The following TMTC3 variants were observed in gnomAD, a reference collection of about 807,000 sequenced individuals.
The protein encoded by TMTC3 is protein O-mannosyl-transferase TMTC3.
In TMTC3, 52 loss-of-function variants were observed where a neutral mutation model predicts 92.2. The ratio of observed to expected loss-of-function variants is 0.56; its 90% CI spans 0.45 to 0.71. The LOEUF (loss-of-function observed/expected upper bound fraction) is 0.71. TMTC3 is among the 30% of genes least tolerant of loss of function. The probability of loss-of-function intolerance (pLI) is 0.00; values close to 1 mark genes in which losing one functional copy is unlikely to be tolerated. For missense variants in TMTC3, 896 were observed against 1,057.1 expected (o/e 0.85, Z 2.11); for synonymous variants, 339 against 363.3 (o/e 0.93, Z 0.76).
At position 88,199,706 on chromosome 12, in the gene TMTC3, T is replaced by G. The variant is rs1233768849; in HGVS notation, c.*4057T>G. 2 of 152,120 alleles carry G rather than the reference T, an allele frequency of 1.3e-5. No homozygotes were observed. The highest frequency in any genetic ancestry group is 1.3e-4 in the Admixed American group (2 of 15,258). The allele number at this position is 152,120 out of a possible 1,614,324, so 9.4% of individuals were successfully genotyped here. ...GTGCTGTTCACTGCCATCAGGGAGG[T>G]AGCATAAAATGAAAGATAAAGTCTG... On this transcript the variant is annotated 3_prime_UTR_variant, in exon 14 of 14. Coordinates refer to ENST00000266712, the MANE Select transcript of TMTC3 (RefSeq NM_181783.4).
At position 88,145,374 on chromosome 12, in the gene TMTC3, A is replaced by C. The variant is rs529029104; in HGVS notation, c.-29+2887A>C. Among the ~76,000 whole-genome samples, 4 of 152,326 alleles carry C rather than the reference A, an allele frequency of 2.6e-5. No homozygotes were observed. In the South Asian group the frequency reaches 8.3e-4, roughly 32 times the overall value. Reference sequence around the variant, plus strand: ...CTTGTCCATGAAATTAAGGCAAAACAATTTGCCTTAATACAATTTACAGTT... The same window carrying C: ...CTTGTCCATGAAATTAAGGCAAAACCATTTGCCTTAATACAATTTACAGTT... On this transcript the variant is annotated intron_variant, in intron 1 of 13. Transcript: ENST00000266712.
chr12:88,166,629 ATAAG>A lies in TMTC3; in HGVS notation c.1050+52_1050+55del, dbSNP rs776006183. On this transcript the variant is annotated intron_variant, in intron 7 of 13. Transcript: ENST00000266712. ...CCAAATGATGTTAACATTCAGTTGA[ATAAG>A]TAAGAAACTACCTTTAATTCAGCAA... 2.7e-5 allele frequency: 42 copies of A among 1,560,940 alleles called. 4 individuals carry two copies. Among genetic ancestry groups the A allele is most frequent in the African/African-American group, 2.3e-4 (17 of 72,916 alleles).
At chr12:88,170,164 T>G (rs2041189341) in intron 7 of TMTC3, among the ~76,000 whole-genome samples, 2 of 152,300 alleles carry the variant, frequency 1.3e-5, no homozygotes, top group African/African-American at 4.8e-5. Context: ...TATTAGGACC[T>G]GTGAATAAGT....
chr12:88,173,517 C>T (rs1291312703), intron 8 of TMTC3, among the ~76,000 whole-genome samples: 5 of 151,954 alleles, frequency 3.3e-5, no homozygotes, highest in Admixed American at 6.6e-5. Flanking sequence ...AGTTTATTTC[C>T]CTAGTGTCTG....
In TMTC3 at chr12:88,176,219, T is replaced by C. The variant is rs1377348581; in HGVS notation, c.1332T>C (p.Asn444=). The C allele has an allele frequency of 6.2e-7, 1 of 1,606,036 alleles. No homozygotes were observed. The change falls in exon 10 of 14, where the codon AAT becomes AAC. Residue 444 remains asparagine (N), a synonymous_variant. Coordinates refer to ENST00000266712, the MANE Select transcript of TMTC3 (RefSeq NM_181783.4). Reference sequence around the variant, plus strand: ...TGCTTGTATTTAAGGTAAATAAAAATAATGCCAAACTTTGGAATAATGTGG... The same window carrying C: ...TGCTTGTATTTAAGGTAAATAAAAACAATGCCAAACTTTGGAATAATGTGG... ...LFMSALKVNK[N]NAKLWNNVGH...
At chr12:88,171,135 G>A (rs1261307722) in intron 7 of TMTC3, among the ~76,000 whole-genome samples, 1 of 152,016 alleles carries the variant, frequency 6.6e-6, no homozygotes, top group Non-Finnish European at 1.5e-5. Flanking sequence ...CATTCCCTCA[G>A]TTTCCAATAT....
Position 88,195,296 on chromosome 12 carries a change from C to T in TMTC3, c.2392C>T (p.Leu798=), listed in dbSNP as rs746433778. ...LKAERCLLET[L]ALAPHEEYIQ... The stretch of plus-strand genomic sequence containing the variant: ...AGCTGAAAGATGCCTTCTTGAAACA[C>T]TGGCATTAGCACCACATGAAGAATA... The change falls in exon 14 of 14, where the codon CTG becomes TTG. Residue 798 remains leucine, a synonymous_variant. Coordinates refer to ENST00000266712, the MANE Select transcript of TMTC3 (RefSeq NM_181783.4). The T allele has an allele frequency of 4.5e-5, 73 of 1,613,722 alleles. No homozygotes were observed. Among genetic ancestry groups the T allele is most frequent in the Non-Finnish European group, 5.9e-5 (70 of 1,179,890 alleles).
At chr12:88,161,925 A>G (rs747894444) in intron 6 of TMTC3, among the ~76,000 whole-genome samples, 2 of 151,900 alleles carry the variant, frequency 1.3e-5, no homozygotes, top group East Asian at 3.8e-4. Flanking sequence ...GCTTTAAACA[A>G]TTGTCTTGGA....
At chr12:88,153,251 C>G in intron 2 of TMTC3, 40 bp from the exon 3 acceptor site, 2 of 1,462,626 alleles carry the variant, frequency 1.4e-6, no homozygotes, top group South Asian at 2.5e-5. Context: ...CCTGTTGGAC[C>G]AAGGTACTTT....
At chr12:88,146,250 G>A (rs1299798354) in intron 1 of TMTC3, among the ~76,000 whole-genome samples, 1 of 151,858 alleles carries the variant, frequency 6.6e-6, no homozygotes, top group Non-Finnish European at 1.5e-5. Flanking sequence ...GCTCCCTTGG[G>A]GAATCTTAAA....
At chr12:88,155,015 TCATG>T (rs1304765646) in intron 4 of TMTC3, among the ~76,000 whole-genome samples, 5 of 152,200 alleles carry the variant, frequency 3.3e-5, no homozygotes, top group Admixed American at 2.0e-4. Context: ...TCCAAGGTAC[TCATG>T]ACAAGAAGAC....
chr12:88,173,154 C>T, intron 8 of TMTC3: 1 of 1,116,914 alleles, frequency 9.0e-7, no homozygotes, highest in South Asian at 1.6e-5. Flanking sequence ...TTCTTGCTAT[C>T]ATCACTATCT....
At chr12:88,172,770 A>C (rs2041219582) in intron 8 of TMTC3, 25 bp downstream of exon 8, 1 of 1,581,812 alleles carries the variant, frequency 6.3e-7, no homozygotes, top group African/African-American at 1.4e-5. Context: ...CAGTTCATGT[A>C]ATGCTTACTA....
chr12:88,150,086 T>C (rs2040923028), intron 2 of TMTC3, among the ~76,000 whole-genome samples: 1 of 152,030 alleles, frequency 6.6e-6, no homozygotes, highest in Admixed American at 6.6e-5. Flanking sequence ...TGAGACAGGG[T>C]AATATATAAG....
intron 1 of TMTC3, among the ~76,000 whole-genome samples, chr12:88,147,384 T>C (rs957205041): frequency 6.6e-6 from 1 of 152,180 alleles, no homozygotes; most frequent in Admixed American, 6.6e-5. Flanking sequence ...GTTTCTGACC[T>C]GTACACAAAA....
intron 10 of TMTC3, among the ~76,000 whole-genome samples, chr12:88,184,554 G>A (rs1420400260): frequency 6.6e-6 from 1 of 152,206 alleles, no homozygotes; most frequent in African/African-American, 2.4e-5. Flanking sequence ...TGGCAAAAAA[G>A]TGATGTATAA....
chr12:88,194,566 G>T (rs2041485989), intron 13 of TMTC3, among the ~76,000 whole-genome samples: 1 of 152,020 alleles, frequency 6.6e-6, no homozygotes, highest in Non-Finnish European at 1.5e-5. Flanking sequence ...ATTTCCAATT[G>T]AATTCTAAAT....
At chr12:88,152,946 T>C (rs2040960240) in intron 2 of TMTC3, among the ~76,000 whole-genome samples, 1 of 152,170 alleles carries the variant, frequency 6.6e-6, no homozygotes, top group Admixed American at 6.5e-5. Context: ...GGAGGCAGGC[T>C]TTGGAGAGAA....
chr12:88,158,307 A>G (rs900587765), intron 4 of TMTC3, among the ~76,000 whole-genome samples: 7 of 152,108 alleles, frequency 4.6e-5, no homozygotes, highest in Admixed American at 4.6e-4. Context: ...TTATTTCTAC[A>G]TCCACCTTTC....
Sources: gnomAD v4.1 joint callset for allele counts (sites outside exome capture counted in the v4.1 genomes callset) on GRCh38, gnomAD v4.1.1 for gene constraint, MANE v1.5 for transcripts, NCBI Gene and HGNC (gene_info 2026-07-23, HGNC 2026-07-21) for gene names.